The following MMP14 variants were observed in gnomAD, a reference collection of about 807,000 sequenced individuals.
MMP14 encodes matrix metallopeptidase 14.
A neutral mutation model predicts 64.8 loss-of-function variants in MMP14; 13 were observed. The observed-to-expected ratio is 0.20, with a 90% CI of 0.13 to 0.32. The LOEUF is 0.32. Among genes scored for constraint, MMP14 ranks in the 10% least tolerant of loss-of-function variants. The probability of loss-of-function intolerance (pLI) is 1.00; values close to 1 mark genes in which losing one functional copy is unlikely to be tolerated. For missense variants in MMP14, 594 were observed against 783.8 expected (o/e 0.76, Z 2.89); for synonymous variants, 322 against 315.9 (o/e 1.02, Z -0.20).
rs748250494 is a variant in MMP14 at position 22,846,030 on chromosome 14, C to T, written c.1740C>T (p.Asp580=). 26 of 1,489,536 alleles carry T rather than the reference C, an allele frequency of 1.7e-5. No homozygotes were observed. The African/African-American group carries it at 3.6e-4, about 21-fold the overall frequency. The allele number at this position is 1,489,536 out of a possible 1,614,324, so 92.3% of individuals were successfully genotyped here. ...RLLYCQRSLL[D]KV is the part of the protein sequence containing the mutation. ...TCTACTGCCAGCGTTCCCTGCTGGA[C>T]AAGGTCTGACGCCCACCGCCGGCCC... Residue 580 remains aspartate, a synonymous_variant, in exon 10 of 10, where the codon GAC becomes GAT. Coordinates refer to ENST00000311852, the MANE Select transcript of MMP14 (RefSeq NM_004995.4).
At position 22,843,521 on chromosome 14, in the gene MMP14, T is replaced by A; in HGVS notation, c.850+103T>A. ...GCCTTGCAGTCTCCGCACCGCCCCC[T>A]GCCAACCTGCCCCTGCCTCTATCAG... On this transcript the variant is annotated intron_variant, in intron 5 of 9. Transcript: ENST00000311852. The surrounding 1 kb of genome is among the most constrained non-coding windows in gnomAD (Gnocchi z 4.8). The A allele has an allele frequency of 6.9e-7, 1 of 1,446,162 alleles. No homozygotes were observed. Among genetic ancestry groups the A allele is most frequent in the Non-Finnish European group, 9.4e-7 (1 of 1,063,040 alleles). The allele number at this position is 1,446,162 out of a possible 1,614,324, so 89.6% of individuals were successfully genotyped here.
chr14:22,845,767 G>A lies in MMP14; in HGVS notation c.1477G>A (p.Val493Ile), dbSNP rs970833149. ...YWKFNNQKLKVEPGYPKSALR... is the reference protein window; with the variant it reads ...YWKFNNQKLKIEPGYPKSALR... ...GAAATTCAACAACCAGAAGCTGAAG[G>A]TAGAACCGGGCTACCCCAAGTCAGC... The change falls in exon 10 of 10, where the codon GTA becomes ATA. Residue 493 changes from valine to isoleucine, a missense_variant. By Grantham distance (29) the Val-to-Ile change is conservative. Transcript: ENST00000311852. 1.9e-6 allele frequency: 3 copies of A among 1,614,026 alleles called. No homozygotes were observed. Among genetic ancestry groups the A allele is most frequent in the Non-Finnish European group, 2.5e-6 (3 of 1,180,052 alleles).
Position 22,847,644 on chromosome 14 carries a change from G to A in MMP14, c.*1605G>A, listed in dbSNP as rs1054121173. 1 of 150,586 alleles carries A rather than the reference G, an allele frequency of 6.6e-6. No individual in the cohort carries two copies. The highest frequency in any genetic ancestry group is 6.6e-5 in the Admixed American group (1 of 15,078). The allele number at this position is 150,586 out of a possible 1,614,324, so 9.3% of individuals were successfully genotyped here. A position where few individuals can be genotyped will look rare whatever the true frequency, so the allele number is the denominator to read the frequency against. The stretch of plus-strand genomic sequence containing the variant: ...AAGGGGCATGGGGAGGGGTGGGGGT[G>A]GGGGGGCAGAGGCGTCTGACCCCAG... On this transcript the variant is annotated 3_prime_UTR_variant, in exon 10 of 10. Coordinates refer to ENST00000311852, the MANE Select transcript of MMP14 (RefSeq NM_004995.4).
chr14:22,840,644 G>C (rs1273868689), intron 1 of MMP14, among the ~76,000 whole-genome samples: 2 of 151,962 alleles, frequency 1.3e-5, no homozygotes, highest in Non-Finnish European at 2.9e-5. Context: ...GAGTAGCTGG[G>C]ACTACAAGCG....
At chr14:22,840,091 T>C (rs2006647) in intron 1 of MMP14, among the ~76,000 whole-genome samples, 130,201 of 151,444 alleles carry the variant, frequency 0.86, 56,074 homozygotes, top group East Asian at 1. Context: ...CACAGCTTCC[T>C]GAGTAGCTGG....
chr14:22,836,999 C>T, intron 1 of MMP14, 74 bp downstream of exon 1: 1 of 1,189,722 alleles, frequency 8.4e-7, no homozygotes, highest in Non-Finnish European at 1.2e-6. Context: ...TAGGGGACAG[C>T]CTCTATTCGG....
chr14:22,843,252 T>C lies in MMP14; in HGVS notation c.689-5T>C. 6.2e-7 allele frequency: 1 copy of C among 1,612,728 alleles called. No individual in the cohort carries two copies. The highest frequency in any genetic ancestry group is 8.5e-7 in the Non-Finnish European group (1 of 1,179,144). ...CTGCTATCGTCACTGTCCCCATCCTTCCAGGAAATGACATCTTCCTGGTGG... is the reference window on the plus strand; with the variant it reads ...CTGCTATCGTCACTGTCCCCATCCTCCCAGGAAATGACATCTTCCTGGTGG... On this transcript the variant is annotated splice_region_variant and splice_polypyrimidine_tract_variant and intron_variant, in intron 4 of 9. Coordinates refer to ENST00000311852, the MANE Select transcript of MMP14 (RefSeq NM_004995.4). This position sits in a 1 kb window ranked among gnomAD's most constrained non-coding sequence, Gnocchi z 4.8.
chr14:22,846,266 G>T lies in MMP14; in HGVS notation c.*227G>T. 2 of 528,318 alleles carry T rather than the reference G, an allele frequency of 3.8e-6. No homozygotes were observed. The highest frequency in any genetic ancestry group is 3.3e-6 in the Non-Finnish European group (1 of 302,322). 32.7% of individuals were successfully genotyped at this position (528,318 alleles called of 1,614,324 possible). On this transcript the variant is annotated 3_prime_UTR_variant, in exon 10 of 10. Transcript: ENST00000311852. ...GGTCCCCTGAGGGCTGAGTGGGAGG[G>T]CGGCCCTTTCCAGCCTCTGCCCCTC...
At chr14:22,839,199 G>C (rs2039755816) in intron 1 of MMP14, among the ~76,000 whole-genome samples, 1 of 152,236 alleles carries the variant, frequency 6.6e-6, no homozygotes, top group South Asian at 2.1e-4. Context: ...TCCAGCGTCA[G>C]TAGACCAGTC....
rs1436950348 is a variant in MMP14 at position 22,836,640 on chromosome 14, A to AGAGCAAACAGGCACTTTGAG, written c.-175_-156dup. 4.0e-6 allele frequency: 2 copies of AGAGCAAACAGGCACTTTGAG among 500,774 alleles called. No homozygotes were observed. Among genetic ancestry groups the AGAGCAAACAGGCACTTTGAG allele is most frequent in the East Asian group, 6.6e-5 (2 of 30,260 alleles). 31.0% of individuals were successfully genotyped at this position (500,774 alleles called of 1,614,324 possible). On this transcript the variant is annotated 5_prime_UTR_variant, in exon 1 of 10. Transcript: ENST00000311852. ...AGATCAAAAACCGGAAAAGAGGAGA[A>AGAGCAAACAGGCACTTTGAG]GAGCAAACAGGCACTTTGAGGAACA... is the stretch of plus-strand genomic sequence containing the variant.
chr14:22,837,544 G>C, intron 1 of MMP14: 1 of 361,252 alleles, frequency 2.8e-6, no homozygotes, highest in South Asian at 2.0e-5. Context: ...GGGTCGCAGC[G>C]CCGGCGCGCT....
At position 22,844,513 on chromosome 14, in the gene MMP14, A is replaced by G; in HGVS notation, c.1150+4A>G. 2 of 1,614,056 alleles carry G rather than the reference A, an allele frequency of 1.2e-6. No homozygotes were observed. The highest frequency in any genetic ancestry group is 2.2e-5 in the South Asian group (2 of 91,074). ...GGCAAATTCGTCTTCTTCAAAGGTA[A>G]CCAGGCACTCCACTTTAGTCTTTGG... On this transcript the variant is annotated splice_donor_region_variant and intron_variant, in intron 7 of 9. Transcript: ENST00000311852.
intron 1 of MMP14, chr14:22,837,557 C>A (rs2039743646): frequency 2.8e-6 from 1 of 359,820 alleles, no homozygotes; most frequent in Non-Finnish European, 5.5e-6. Context: ...GGCGCGCTGG[C>A]CGCGTTTCCG....
intron 1 of MMP14, among the ~76,000 whole-genome samples, chr14:22,839,230 A>G (rs1035531985): frequency 7.2e-5 from 11 of 152,190 alleles, no homozygotes; most frequent in Admixed American, 6.5e-4. Context: ...CCAAGTCCTG[A>G]AGCAGCTGCT....
chr14:22,843,258 A>C lies in MMP14; in HGVS notation c.690A>C (p.Gly230=), dbSNP rs2039785886. The stretch of plus-strand genomic sequence containing the variant: ...TCGTCACTGTCCCCATCCTTCCAGG[A>C]AATGACATCTTCCTGGTGGCTGTGC... ...PWTVRNEDLN[G]NDIFLVAVHE... The change falls in exon 5 of 10, where the codon GGA becomes GGC. Residue 230 remains glycine, a splice_region_variant and synonymous_variant. Transcript: ENST00000311852. The surrounding 1 kb of genome is among the most constrained non-coding windows in gnomAD (Gnocchi z 4.8). The C allele has an allele frequency of 6.2e-7, 1 of 1,613,088 alleles. No homozygotes were observed. Among genetic ancestry groups the C allele is most frequent in the African/African-American group, 1.3e-5 (1 of 74,912 alleles).
At position 22,843,563 on chromosome 14, in the gene MMP14, A is replaced by G. The variant is rs1027300735; in HGVS notation, c.850+145A>G. ...CTCTATCAGCTCCACTTTTGAGCCC[A>G]TCTTTTGTGTCGCCTCCCAGTTGGT... On this transcript the variant is annotated intron_variant, in intron 5 of 9. Coordinates refer to ENST00000311852, the MANE Select transcript of MMP14 (RefSeq NM_004995.4). This position sits in a 1 kb window ranked among gnomAD's most constrained non-coding sequence, Gnocchi z 4.8. 3.6e-6 allele frequency: 5 copies of G among 1,386,450 alleles called. No homozygotes were observed. The highest frequency in any genetic ancestry group is 2.9e-5 in the African/African-American group (2 of 68,812). 85.9% of individuals were successfully genotyped at this position (1,386,450 alleles called of 1,614,324 possible). A position where few individuals can be genotyped will look rare whatever the true frequency, so the allele number is the denominator to read the frequency against.
chr14:22,836,835 A>G lies in MMP14; in HGVS notation c.18A>G (p.Arg6=). The change falls in exon 1 of 10, where the codon AGA becomes AGG. Residue 6 remains arginine, a synonymous_variant. Coordinates refer to ENST00000311852, the MANE Select transcript of MMP14 (RefSeq NM_004995.4). ...CTCGGACCATGTCTCCCGCCCCAAG[A>G]CCCCCCCGTTGTCTCCTGCTCCCCC... MSPAP[R]PPRCLLLPLL... 2 of 1,609,022 alleles carry G rather than the reference A, an allele frequency of 1.2e-6. No individual in the cohort carries two copies. The highest frequency in any genetic ancestry group is 1.1e-5 in the South Asian group (1 of 90,492).
chr14:22,841,832 T>TG, intron 2 of MMP14, 81 bp from the exon 3 acceptor site: 1 of 1,045,186 alleles, frequency 9.6e-7, no homozygotes, highest in South Asian at 1.4e-5. Flanking sequence ...ACACAGCAAG[T>TG]CTTACCCAAC....
chr14:22,839,739 A>G (rs775087738), intron 1 of MMP14, among the ~76,000 whole-genome samples: 2 of 152,062 alleles, frequency 1.3e-5, no homozygotes, highest in Non-Finnish European at 2.9e-5. Context: ...GTGAAGGACC[A>G]TGTGGCAATC....
Sources: allele counts gnomAD v4.1 joint callset (sites outside exome capture counted in the v4.1 genomes callset), GRCh38; gene constraint gnomAD v4.1.1; non-coding constraint Gnocchi (gnomAD v3.1); transcripts MANE v1.5; gene names NCBI Gene and HGNC (gene_info 2026-07-23, HGNC 2026-07-21).